The following KDM1B variants were observed in gnomAD, a reference collection of about 807,000 sequenced individuals.
KDM1B encodes the protein lysine demethylase 1B.
In KDM1B, 63 loss-of-function variants were observed where a neutral mutation model predicts 107.4. The ratio of observed to expected loss-of-function variants is 0.59; its 90% CI spans 0.48 to 0.72. The LOEUF (loss-of-function observed/expected upper bound fraction) is 0.72. Among genes scored for constraint, KDM1B ranks in the 30% least tolerant of loss-of-function variants. The pLI is 0.00. For synonymous variants in KDM1B, 363 were observed against 363.9 expected, an observed-to-expected ratio of 1.00 and a Z score of 0.03; for missense variants, 749 against 1,020.8, an observed-to-expected ratio of 0.73 and a Z score of 3.63.
At position 18,191,490 on chromosome 6, in the gene KDM1B, G is replaced by T. The variant is rs1009177211; in HGVS notation, c.969+109G>T. The T allele has an allele frequency of 1.6e-6, 2 of 1,227,980 alleles. No homozygotes were observed. Among genetic ancestry groups the T allele is most frequent in the East Asian group, 5.1e-5 (2 of 38,874 alleles). The allele number at this position is 1,227,980 out of a possible 1,614,324, so 76.1% of individuals were successfully genotyped here. Reference sequence around the variant, plus strand: ...CCTTTTATGCCAGGGTTTCTCAGCCGTGCCTCTGTTGACAATTTGGGCAGA... The same window carrying T: ...CCTTTTATGCCAGGGTTTCTCAGCCTTGCCTCTGTTGACAATTTGGGCAGA... On this transcript the variant is annotated intron_variant, in intron 10 of 21. Transcript: ENST00000650836. This position sits in a 1 kb window ranked among gnomAD's most constrained non-coding sequence, Gnocchi z 5.1.
intron 6 of KDM1B, among the ~76,000 whole-genome samples, chr6:18,167,190 A>G (rs1785354349): frequency 6.6e-6 from 1 of 151,718 alleles, no homozygotes; most frequent in Non-Finnish European, 1.5e-5. Context: ...CCCCGTCTCT[A>G]CTAAAAAAAT....
chr6:18,175,845 G>C (rs1051576159), intron 7 of KDM1B, among the ~76,000 whole-genome samples: 1 of 152,132 alleles, frequency 6.6e-6, no homozygotes, highest in African/African-American at 2.4e-5. Context: ...TTTTATACCA[G>C]TACCATGCTG....
chr6:18,221,941 A>G lies in KDM1B; in HGVS notation c.2418A>G (p.Thr806=), dbSNP rs1192838195. ...ACAGGCATTTCCCACAAACTGTTAC[A>G]GGGGCATATTTGAGTGGCGTTCGAG... ...ATNRHFPQTV[T]GAYLSGVREA... The change falls in exon 22 of 22, where the codon ACA becomes ACG. Residue 806 remains threonine, a synonymous_variant. Coordinates refer to ENST00000650836, the MANE Select transcript of KDM1B (RefSeq NM_001364614.2). 4 of 1,612,918 alleles carry G rather than the reference A, an allele frequency of 2.5e-6. No homozygotes were observed. The South Asian group carries it at 4.4e-5, about 18-fold the overall frequency.
chr6:18,207,974 C>T lies in KDM1B; in HGVS notation c.1792-158C>T, dbSNP rs1267986316. On this transcript the variant is annotated intron_variant, in intron 16 of 21. Coordinates refer to ENST00000650836, the MANE Select transcript of KDM1B (RefSeq NM_001364614.2). ...TTCTGACAGAGTATAAATTCTAACT[C>T]CCTCAGTTCAGCTATAACAATTGTT... is the stretch of plus-strand genomic sequence containing the variant. Among the ~76,000 whole-genome samples the T allele has an allele frequency of 3.9e-5, 6 of 152,186 alleles. No homozygotes were observed. In the East Asian group the frequency reaches 9.6e-4, roughly 24 times the overall value.
At chr6:18,187,092 A>G (rs557388752) in intron 8 of KDM1B, among the ~76,000 whole-genome samples, 2 of 151,894 alleles carry the variant, frequency 1.3e-5, no homozygotes, top group Non-Finnish European at 2.9e-5. Context: ...CCTGTCTACC[A>G]TGGATTGTGG....
intron 21 of KDM1B, among the ~76,000 whole-genome samples, chr6:18,221,318 C>T (rs193299604): frequency 6.6e-6 from 1 of 152,276 alleles, no homozygotes; most frequent in East Asian, 1.9e-4. Context: ...ATCACTAATT[C>T]AGGCCTCCTC....
chr6:18,179,510 G>C (rs1458538310), intron 7 of KDM1B, among the ~76,000 whole-genome samples: 3 of 151,986 alleles, frequency 2.0e-5, no homozygotes, highest in African/African-American at 7.3e-5. Context: ...TGGGCCAGTA[G>C]TTTTCTTTGT....
At chr6:18,178,147 A>T (rs1488250561) in intron 7 of KDM1B, among the ~76,000 whole-genome samples, 2 of 152,152 alleles carry the variant, frequency 1.3e-5, no homozygotes, top group African/African-American at 4.8e-5. Context: ...CAGTGGCACC[A>T]TATTGGCTCA....
In KDM1B at chr6:18,192,184, C is replaced by T. The variant is rs116092699; in HGVS notation, c.969+803C>T. Among the ~76,000 whole-genome samples the T allele has an allele frequency of 4.0e-3, 606 of 152,260 alleles. 1 individual carries two copies. The highest frequency in any genetic ancestry group is 0.01 in the Middle Eastern group (3 of 294). ...GGCTGAGACAGGAGGATGGCCTGAG[C>T]TTGGGAGGTCAAGGCTGCAGTAAGC... On this transcript the variant is annotated intron_variant, in intron 10 of 21. Coordinates refer to ENST00000650836, the MANE Select transcript of KDM1B (RefSeq NM_001364614.2).
intron 6 of KDM1B, among the ~76,000 whole-genome samples, chr6:18,169,231 T>G (rs893451673): frequency 6.8e-6 from 1 of 147,326 alleles, no homozygotes; most frequent in South Asian, 2.1e-4. Flanking sequence ...TATATATATA[T>G]AAATTTTTTT....
chr6:18,164,027 AAG>A (rs1284968972), intron 5 of KDM1B, among the ~76,000 whole-genome samples: 5 of 152,214 alleles, frequency 3.3e-5, no homozygotes, highest in Non-Finnish European at 7.3e-5. Flanking sequence ...TTCAGTTACT[AAG>A]AAAAGTGTCT....
chr6:18,200,341 T>C lies in KDM1B; in HGVS notation c.1222-98T>C. ...AGAAATATTTGGAATTAACCAAATA[T>C]AGAGGCTATTTAACAGTGTCCTTCT... On this transcript the variant is annotated intron_variant, in intron 12 of 21. Transcript: ENST00000650836. The surrounding 1 kb of genome is among the most constrained non-coding windows in gnomAD (Gnocchi z 4.3). 1.7e-6 allele frequency: 2 copies of C among 1,192,218 alleles called. No homozygotes were observed. The highest frequency in any genetic ancestry group is 2.3e-6 in the Non-Finnish European group (2 of 853,856). The allele number at this position is 1,192,218 out of a possible 1,614,324, so 73.9% of individuals were successfully genotyped here.
Position 18,159,157 on chromosome 6 carries a change from G to A in KDM1B, c.-13-726G>A, listed in dbSNP as rs963132452. 1.3e-5 allele frequency among the ~76,000 whole-genome samples: 2 copies of A among 152,030 alleles called. No homozygotes were observed. Among genetic ancestry groups the A allele is most frequent in the African/African-American group, 4.8e-5 (2 of 41,412 alleles). On this transcript the variant is annotated intron_variant, in intron 2 of 21. Transcript: ENST00000650836. The surrounding 1 kb of genome is among the most constrained non-coding windows in gnomAD (Gnocchi z 4.5). ...TAATTTTTGTATTTTTAGTACAGAC[G>A]GGGTTTCACAATGTTGGTCAGACTG...
At chr6:18,208,023 G>A (rs1404543164) in intron 16 of KDM1B, 109 bp from the exon 17 acceptor site, 2 of 807,710 alleles carry the variant, frequency 2.5e-6, no homozygotes, top group Non-Finnish European at 4.3e-6. Context: ...GCCAGGAAAA[G>A]ATTCCCCTTA....
At chr6:18,165,861 C>T (rs1193135087) in intron 5 of KDM1B, among the ~76,000 whole-genome samples, 3 of 152,040 alleles carry the variant, frequency 2.0e-5, no homozygotes, top group Non-Finnish European at 2.9e-5. Flanking sequence ...TAAAAATATT[C>T]GGAACTGGTT....
chr6:18,183,022 T>G (rs1180679884), intron 7 of KDM1B, among the ~76,000 whole-genome samples: 1 of 152,218 alleles, frequency 6.6e-6, no homozygotes, highest in Non-Finnish European at 1.5e-5. Flanking sequence ...ATGAAATTTC[T>G]GTATCAAAGG....
chr6:18,216,664 C>G (rs1789258677), intron 20 of KDM1B, among the ~76,000 whole-genome samples: 1 of 152,178 alleles, frequency 6.6e-6, no homozygotes. Flanking sequence ...TTCAGTCATG[C>G]ACCGTTCTGA....
In KDM1B at chr6:18,214,575, G is replaced by A. The variant is rs117958323; in HGVS notation, c.2110-432G>A. ...GAAAATGGACTGGCGAGTGACGTGC[G>A]GATAAGGGACAGCCAGAAATAGTGA... On this transcript the variant is annotated intron_variant, in intron 19 of 21. Transcript: ENST00000650836. This position sits in a 1 kb window ranked among gnomAD's most constrained non-coding sequence, Gnocchi z 4.4. Among the ~76,000 whole-genome samples, 3 of 152,276 alleles carry A rather than the reference G, an allele frequency of 2.0e-5. No homozygotes were observed. Among genetic ancestry groups the A allele is most frequent in the East Asian group, 3.9e-4 (2 of 5,176 alleles).
At position 18,197,925 on chromosome 6, in the gene KDM1B, C is replaced by CTTTTT. The variant is rs1039217550; in HGVS notation, c.1221+278_1221+282dup. Among the ~76,000 whole-genome samples the CTTTTT allele has an allele frequency of 2.3e-5, 3 of 130,008 alleles. No homozygotes were observed. The highest frequency in any genetic ancestry group is 5.8e-5 in the African/African-American group (2 of 34,260). The allele number at this position is 130,008 out of a possible 152,430, so 85.3% of individuals were successfully genotyped here. ...CTAACTTGGCATTAAAGTAGAAATTCTTTTTTTTTTTTTTTTTTGAGACAG... is the reference window on the plus strand; with the variant it reads ...CTAACTTGGCATTAAAGTAGAAATTCTTTTTTTTTTTTTTTTTTTTTTTGAGACAG... On this transcript the variant is annotated intron_variant, in intron 12 of 21. Transcript: ENST00000650836. This position sits in a 1 kb window ranked among gnomAD's most constrained non-coding sequence, Gnocchi z 4.5.
Sources: allele counts gnomAD v4.1 joint callset (sites outside exome capture counted in the v4.1 genomes callset), GRCh38; gene constraint gnomAD v4.1.1; non-coding constraint Gnocchi (gnomAD v3.1); transcripts MANE v1.5; gene names NCBI Gene and HGNC (gene_info 2026-07-23, HGNC 2026-07-21).